FSTL5: variants seen among roughly 807,000 people sequenced by gnomAD.
FSTL5 encodes follistatin like 5.
FSTL5 carries 62 observed loss-of-function variants against 89.1 expected under a neutral mutation model. That is an observed-to-expected ratio of 0.70 (90% CI 0.57 to 0.86). The LOEUF is 0.86. Ranked by LOEUF, FSTL5 falls within the 40% of genes least tolerant of loss-of-function variation. FSTL5 has a pLI of 0.00. For synonymous variants in FSTL5, 383 were observed against 346.2 expected (o/e 1.11, Z -1.18); for missense variants, 1,057 against 1,001.6 (o/e 1.06, Z -0.75).
At chr4:161,461,746 CA>C (rs1733592284) in intron 13 of FSTL5, among the ~76,000 whole-genome samples, 1 of 152,066 alleles carries the variant, frequency 6.6e-6, no homozygotes, top group Admixed American at 6.5e-5. Context: ...AAAAAGTCAT[CA>C]TTAATCAATA....
At chr4:161,655,234 C>T (rs976090824) in intron 7 of FSTL5, among the ~76,000 whole-genome samples, 2 of 151,806 alleles carry the variant, frequency 1.3e-5, no homozygotes, top group African/African-American at 4.8e-5. Context: ...GACAGGCAAA[C>T]ATTATTTTCA....
chr4:162,015,938 C>G (rs1168771731), intron 3 of FSTL5, among the ~76,000 whole-genome samples: 1 of 152,164 alleles, frequency 6.6e-6, no homozygotes, highest in African/African-American at 2.4e-5. Context: ...TGTTTTTACT[C>G]TACTTTCTTC....
intron 7 of FSTL5, among the ~76,000 whole-genome samples, chr4:161,627,035 A>T (rs1466539699): frequency 6.6e-6 from 1 of 152,212 alleles, no homozygotes; most frequent in Non-Finnish European, 1.5e-5. Flanking sequence ...TGTTTAAATG[A>T]CAAAAAATGA....
chr4:161,922,557 C>T (rs922808123), intron 3 of FSTL5, among the ~76,000 whole-genome samples: 8 of 151,974 alleles, frequency 5.3e-5, no homozygotes, highest in South Asian at 4.1e-4. Context: ...GTTTCTGATT[C>T]AGTGGATCTC....
chr4:161,587,325 C>A, intron 8 of FSTL5, 130 bp downstream of exon 8: 1 of 661,486 alleles, frequency 1.5e-6, no homozygotes, highest in East Asian at 3.1e-5. Flanking sequence ...AAAACTTTTA[C>A]ATTATCAGTT....
chr4:161,672,437 A>G (rs1377492299), intron 6 of FSTL5, among the ~76,000 whole-genome samples: 1 of 152,134 alleles, frequency 6.6e-6, no homozygotes, highest in Non-Finnish European at 1.5e-5. Context: ...AGTGCCAATT[A>G]ACAAACACAA....
chr4:161,398,807 T>G (rs2110898366), intron 15 of FSTL5, among the ~76,000 whole-genome samples: 1 of 152,218 alleles, frequency 6.6e-6, no homozygotes, highest in East Asian at 1.9e-4. Context: ...CTTGTGATAC[T>G]AACTCACTTC....
At chr4:162,159,388 A>T (rs1733606193) in intron 1 of FSTL5, among the ~76,000 whole-genome samples, 1 of 152,080 alleles carries the variant, frequency 6.6e-6, no homozygotes, top group Admixed American at 6.6e-5. Flanking sequence ...TTGCTTTGGA[A>T]TTGTTACTTG....
At chr4:162,105,458 T>C (rs992670451) in intron 2 of FSTL5, among the ~76,000 whole-genome samples, 2 of 152,204 alleles carry the variant, frequency 1.3e-5, no homozygotes, top group African/African-American at 4.8e-5. Context: ...TTATAAAATA[T>C]ACGGAACTAT....
At chr4:161,626,119 G>GAGCT (rs746289992) in intron 7 of FSTL5, among the ~76,000 whole-genome samples, 2 of 152,106 alleles carry the variant, frequency 1.3e-5, no homozygotes, top group Non-Finnish European at 2.9e-5. Flanking sequence ...TTATCCAGAA[G>GAGCT]AGCTAGCTAA....
intron 3 of FSTL5, among the ~76,000 whole-genome samples, chr4:161,992,844 T>A (rs887147275): frequency 7.3e-3 from 200 of 27,420 alleles, no homozygotes; most frequent in Admixed American, 0.016. Flanking sequence ...TGAAACTCCA[T>A]CTCAAAAAAA....
intron 10 of FSTL5, among the ~76,000 whole-genome samples, chr4:161,536,307 C>T (rs1269705678): frequency 6.6e-6 from 1 of 151,892 alleles, no homozygotes; most frequent in African/African-American, 2.4e-5. Flanking sequence ...TACAAATGTG[C>T]CATGTATATC....
At chr4:161,930,543 G>T (rs1268843021) in intron 3 of FSTL5, among the ~76,000 whole-genome samples, 3 of 151,250 alleles carry the variant, frequency 2.0e-5, no homozygotes, top group African/African-American at 7.3e-5. Flanking sequence ...AATGTTAGTA[G>T]CGTTTTCAAA....
chr4:162,140,004 A>G (rs1732663985), intron 1 of FSTL5, among the ~76,000 whole-genome samples: 1 of 152,144 alleles, frequency 6.6e-6, no homozygotes, highest in Admixed American at 6.5e-5. Flanking sequence ...AGAAAACGGT[A>G]AAAGAAACTC....
At chr4:161,579,891 T>C (rs967484555) in intron 8 of FSTL5, among the ~76,000 whole-genome samples, 7 of 152,094 alleles carry the variant, frequency 4.6e-5, no homozygotes, top group African/African-American at 1.7e-4. Flanking sequence ...AAAGTGACCA[T>C]AATAAAGAAT....
At chr4:161,791,118 A>C (rs1338032537) in intron 4 of FSTL5, among the ~76,000 whole-genome samples, 1 of 152,196 alleles carries the variant, frequency 6.6e-6, no homozygotes, top group Admixed American at 6.5e-5. Flanking sequence ...AGAGAAGCAA[A>C]GAAAAATTTA....
At chr4:161,904,004 T>A (rs1733449391) in intron 4 of FSTL5, among the ~76,000 whole-genome samples, 1 of 151,958 alleles carries the variant, frequency 6.6e-6, no homozygotes, top group African/African-American at 2.4e-5. Context: ...AGAAAAAAAA[T>A]TAGTAAAAAG....
chr4:161,904,218 T>G (rs1733457923), intron 4 of FSTL5, among the ~76,000 whole-genome samples: 1 of 152,078 alleles, frequency 6.6e-6, no homozygotes, highest in African/African-American at 2.4e-5. Context: ...GCACTTACTT[T>G]TAAGCTCACA....
Position 161,422,337 on chromosome 4 carries a change from AT to A in FSTL5, c.1841+32666del, listed in dbSNP as rs749817113. On this transcript the variant is annotated intron_variant, in intron 15 of 15. Transcript: ENST00000306100. ...GTGTGTGTCTGTGTGTGTTAAAAAA[AT>A]GTCTTTCGATGTAAAGAGCGTCTAC... is the stretch of plus-strand genomic sequence containing the variant. 6.6e-5 allele frequency among the ~76,000 whole-genome samples: 10 copies of A among 152,252 alleles called. No homozygotes were observed. In the East Asian group the frequency reaches 7.7e-4, roughly 12 times the overall value.
Sources: allele counts gnomAD v4.1 joint callset (sites outside exome capture counted in the v4.1 genomes callset), GRCh38; gene constraint gnomAD v4.1.1; transcripts MANE v1.5; gene names NCBI Gene and HGNC (gene_info 2026-07-23, HGNC 2026-07-21).